SEMA3E: variants seen among roughly 807,000 people sequenced by gnomAD.
The protein encoded by SEMA3E is semaphorin-3E.
Under a neutral mutation model 93.6 loss-of-function variants are expected in SEMA3E, and 49 were observed. That is an observed-to-expected ratio of 0.52 (90% CI 0.42 to 0.66). The LOEUF is 0.66. Among genes scored for constraint, SEMA3E ranks in the 30% least tolerant of loss-of-function variants. SEMA3E has a pLI of 0.00. For synonymous variants in SEMA3E, 363 were observed against 330.7 expected (o/e 1.10, Z -1.06); for missense variants, 906 against 964.8 (o/e 0.94, Z 0.81).
intron 1 of SEMA3E, among the ~76,000 whole-genome samples, chr7:83,541,968 A>G (rs529375467): frequency 1.6e-4 from 25 of 152,084 alleles, no homozygotes; most frequent in Non-Finnish European, 3.4e-4. Flanking sequence ...AGAGTCTGAC[A>G]TAATGTTGCT....
chr7:83,402,160 T>G (rs1321912957), intron 10 of SEMA3E, among the ~76,000 whole-genome samples: 1 of 151,976 alleles, frequency 6.6e-6, no homozygotes, highest in East Asian at 1.9e-4. Context: ...TTCTTATAGA[T>G]TTCCTACAAT....
chr7:83,382,930 A>T (rs1787806905), intron 16 of SEMA3E, among the ~76,000 whole-genome samples: 1 of 151,970 alleles, frequency 6.6e-6, no homozygotes, highest in African/African-American at 2.4e-5. Flanking sequence ...TCAGTTTCTA[A>T]AGATTAATTT....
chr7:83,461,776 T>C (rs985637119), intron 4 of SEMA3E, among the ~76,000 whole-genome samples: 4 of 152,172 alleles, frequency 2.6e-5, no homozygotes, highest in African/African-American at 9.7e-5. Context: ...CAGGATTTAA[T>C]TAACCTCGCC....
chr7:83,485,379 A>G (rs1334228449), intron 2 of SEMA3E, among the ~76,000 whole-genome samples: 1 of 152,210 alleles, frequency 6.6e-6, no homozygotes, highest in Non-Finnish European at 1.5e-5. Context: ...ATAAAGAAAT[A>G]GGGACACAAA....
At chr7:83,599,666 G>GAATTTTTAATTCTATT (rs1792942690) in intron 1 of SEMA3E, among the ~76,000 whole-genome samples, 1 of 152,102 alleles carries the variant, frequency 6.6e-6, no homozygotes, top group Admixed American at 6.6e-5. Flanking sequence ...CAGAAAACCA[G>GAATTTTTAATTCTATT]TTAATACTAT....
chr7:83,535,021 C>T (rs893311147), intron 1 of SEMA3E, among the ~76,000 whole-genome samples: 2 of 152,142 alleles, frequency 1.3e-5, no homozygotes, highest in Non-Finnish European at 2.9e-5. Flanking sequence ...CTGAAAATGG[C>T]ACTCTTAGGC....
intron 4 of SEMA3E, among the ~76,000 whole-genome samples, chr7:83,456,561 T>TA (rs1491459075): frequency 6.6e-6 from 1 of 151,884 alleles, no homozygotes; most frequent in East Asian, 1.9e-4. Flanking sequence ...TTAGACTTTT[T>TA]ATGTTTTTCT....
intron 1 of SEMA3E, among the ~76,000 whole-genome samples, chr7:83,505,827 A>G (rs1790691762): frequency 6.6e-6 from 1 of 151,906 alleles, no homozygotes; most frequent in South Asian, 2.1e-4. Context: ...CATCCTGGCT[A>G]ACATGGTGAA....
At chr7:83,635,028 T>TA (rs1793854884) in intron 1 of SEMA3E, among the ~76,000 whole-genome samples, 1 of 152,062 alleles carries the variant, frequency 6.6e-6, no homozygotes, top group African/African-American at 2.4e-5. Context: ...ATCCAGACCT[T>TA]AAACTGATGG....
intron 1 of SEMA3E, among the ~76,000 whole-genome samples, chr7:83,537,201 T>C (rs1182759339): frequency 6.6e-6 from 1 of 152,182 alleles, no homozygotes; most frequent in Non-Finnish European, 1.5e-5. Context: ...CCTCCAGAAC[T>C]ATAAGAAATA....
At chr7:83,516,680 C>A (rs189173477) in intron 1 of SEMA3E, among the ~76,000 whole-genome samples, 12 of 152,136 alleles carry the variant, frequency 7.9e-5, no homozygotes. Flanking sequence ...CTGAAGCCAA[C>A]GTATTCTGAT....
At chr7:83,368,554 T>G (rs1360558384) in intron 16 of SEMA3E, among the ~76,000 whole-genome samples, 3 of 152,132 alleles carry the variant, frequency 2.0e-5, no homozygotes, top group Non-Finnish European at 4.4e-5. Flanking sequence ...CACTTTGTCG[T>G]CTTACAAAAA....
In SEMA3E at chr7:83,397,574, A is replaced by G. The variant is rs560137571; in HGVS notation, c.1367-845T>C. Among the ~76,000 whole-genome samples, 49 of 152,308 alleles carry G rather than the reference A, an allele frequency of 3.2e-4. 1 individual carries two copies. In the South Asian group the frequency reaches 8.9e-3, roughly 28 times the overall value. On this transcript the variant is annotated intron_variant, in intron 11 of 16. Coordinates refer to ENST00000643230, the MANE Select transcript of SEMA3E (RefSeq NM_012431.3). ...TGTTTGTACCAGTCATTTAGTTTCC[A>G]TAATTATCATTTATTTTTAAAGTTT...
intron 1 of SEMA3E, among the ~76,000 whole-genome samples, chr7:83,511,288 T>TG (rs1048042437): frequency 7.9e-5 from 12 of 151,094 alleles, no homozygotes; most frequent in Non-Finnish European, 1.6e-4. Context: ...TAAATATGTT[T>TG]TTTTTTTTTT....
intron 1 of SEMA3E, among the ~76,000 whole-genome samples, chr7:83,625,381 G>C (rs1184960116): frequency 6.6e-6 from 1 of 152,102 alleles, no homozygotes; most frequent in Non-Finnish European, 1.5e-5. Context: ...CCATTTGTTT[G>C]TGTCCTCTCT....
Position 83,363,633 on chromosome 7 carries a change from T to C in SEMA3E, c.*3953A>G, listed in dbSNP as rs1219759359. The C allele has an allele frequency of 6.6e-6, 1 of 151,714 alleles. No homozygotes were observed. The highest frequency in any genetic ancestry group is 1.5e-5 in the Non-Finnish European group (1 of 67,954). The allele number at this position is 151,714 out of a possible 1,614,324, so 9.4% of individuals were successfully genotyped here. A position where few individuals can be genotyped will look rare whatever the true frequency, so the allele number is the denominator to read the frequency against. Reference sequence around the variant, plus strand: ...AATAACACTGCTACAATCAGCTGAGTGTTTGTGGAAAATCTATTATTTATA... The same window carrying C: ...AATAACACTGCTACAATCAGCTGAGCGTTTGTGGAAAATCTATTATTTATA... On this transcript the variant is annotated 3_prime_UTR_variant, in exon 17 of 17. Transcript: ENST00000643230.
At chr7:83,383,792 G>C (rs987996174) in intron 16 of SEMA3E, among the ~76,000 whole-genome samples, 15 of 151,922 alleles carry the variant, frequency 9.9e-5, no homozygotes, top group African/African-American at 2.7e-4. Flanking sequence ...ATTAGAAACA[G>C]AACATACTGA....
chr7:83,484,191 A>G (rs1790205955), intron 2 of SEMA3E, among the ~76,000 whole-genome samples: 1 of 152,124 alleles, frequency 6.6e-6, no homozygotes, highest in Admixed American at 6.6e-5. Context: ...CTAAACCCAC[A>G]TGTGAGGAAA....
At chr7:83,406,146 G>C in intron 7 of SEMA3E, 87 bp from the exon 8 acceptor site, 1 of 953,294 alleles carries the variant, frequency 1.0e-6, no homozygotes, top group South Asian at 1.3e-5. Context: ...CAGTTGCCAA[G>C]AGTTATGACT....
Sources: gnomAD v4.1 joint callset for allele counts (sites outside exome capture counted in the v4.1 genomes callset) on GRCh38, gnomAD v4.1.1 for gene constraint, MANE v1.5 for transcripts, NCBI Gene and HGNC (gene_info 2026-07-23, HGNC 2026-07-21) for gene names.